Variants in PHLPP2 observed in about 807,000 individuals in gnomAD.
PHLPP2 encodes PH domain leucine-rich repeat-containing protein phosphatase 2.
Under a neutral mutation model 124.9 loss-of-function variants are expected in PHLPP2, and 66 were observed. That is an observed-to-expected ratio of 0.53 (90% CI 0.43 to 0.65). The LOEUF (loss-of-function observed/expected upper bound fraction) is 0.65. Among genes scored for constraint, PHLPP2 ranks in the 30% least tolerant of loss-of-function variants. The pLI, the probability that PHLPP2 is intolerant of heterozygous loss-of-function variation, is 0.00. For missense variants in PHLPP2, 1,685 were observed against 1,600.4 expected (o/e 1.05, Z -0.90); for synonymous variants, 681 against 624.7 (o/e 1.09, Z -1.34).
chr16:71,651,425 G>A (rs1046598018), intron 18 of PHLPP2, among the ~76,000 whole-genome samples: 4 of 150,562 alleles, frequency 2.7e-5, no homozygotes, highest in Non-Finnish European at 5.9e-5. Context: ...GAAGCCAGGC[G>A]CAGTGGCATG....
At position 71,709,908 on chromosome 16, in the gene PHLPP2, A is replaced by G. The variant is rs147005092; in HGVS notation, c.284+4604T>C. Among the ~76,000 whole-genome samples the G allele has an allele frequency of 7.9e-3, 1,207 of 152,218 alleles. 7 individuals carry two copies. The highest frequency in any genetic ancestry group is 0.012 in the Non-Finnish European group (816 of 68,006). On this transcript the variant is annotated intron_variant, in intron 2 of 18. Transcript: ENST00000568954. ...GAATGCAGTGGTGCAATCTTGGCTCACTGCAACCTCCGCCTCCCAGGCTCA... is the reference window on the plus strand; with the variant it reads ...GAATGCAGTGGTGCAATCTTGGCTCGCTGCAACCTCCGCCTCCCAGGCTCA...
chr16:71,655,164 C>A, intron 17 of PHLPP2, 76 bp downstream of exon 17: 2 of 954,346 alleles, frequency 2.1e-6, no homozygotes, highest in South Asian at 1.4e-5. Flanking sequence ...TAATTTAGAC[C>A]CTGACCTTCT....
intron 14 of PHLPP2, 45 bp from the exon 15 acceptor site, chr16:71,658,408 T>G: frequency 1.3e-6 from 2 of 1,563,724 alleles, no homozygotes; most frequent in Non-Finnish European, 1.7e-6. Context: ...TCACAGAGAC[T>G]TAGTTCTTTA....
At chr16:71,683,490 C>G (rs536253248) in intron 5 of PHLPP2, among the ~76,000 whole-genome samples, 190 of 152,290 alleles carry the variant, frequency 1.2e-3, no homozygotes, top group African/African-American at 4.2e-3. Context: ...TGGAATGAAT[C>G]CATCTATCAC....
At chr16:71,686,092 C>T (rs55930830) in intron 4 of PHLPP2, among the ~76,000 whole-genome samples, 5,711 of 152,174 alleles carry the variant, frequency 0.038, 358 homozygotes, top group African/African-American at 0.13. Context: ...GGTGACAGAG[C>T]GAGACTCTGT....
chr16:71,671,483 C>G (rs1229714733), intron 10 of PHLPP2, among the ~76,000 whole-genome samples: 1 of 152,048 alleles, frequency 6.6e-6, no homozygotes, highest in East Asian at 1.9e-4. Flanking sequence ...CTGCAAAACT[C>G]TACCGCTGAA....
Position 71,679,393 on chromosome 16 carries a change from G to A in PHLPP2, c.1033C>T (p.Leu345=). 6.2e-7 allele frequency: 1 copy of A among 1,613,608 alleles called. No individual in the cohort carries two copies. Among genetic ancestry groups the A allele is most frequent in the Non-Finnish European group, 8.5e-7 (1 of 1,179,538 alleles). Residue 345 remains leucine, a synonymous_variant, in exon 7 of 19, where the codon CTA becomes TTA. Coordinates refer to ENST00000568954, the MANE Select transcript of PHLPP2 (RefSeq NM_015020.3). ...HDLPSQIGNL[L]NLQTLCLDGN... ...AATCTAGTAAAAGTTACTTACTTTAGCAGATTGCCAATTTGACTTGGTAGG... is the reference window on the plus strand; with the variant it reads ...AATCTAGTAAAAGTTACTTACTTTAACAGATTGCCAATTTGACTTGGTAGG...
intron 4 of PHLPP2, among the ~76,000 whole-genome samples, chr16:71,686,561 C>G (rs961458323): frequency 6.6e-5 from 10 of 152,122 alleles, no homozygotes; most frequent in African/African-American, 2.4e-4. Flanking sequence ...CCATGGCCCC[C>G]AAACTTCCCT....
chr16:71,671,335 TCA>T (rs1335124976), intron 10 of PHLPP2, among the ~76,000 whole-genome samples: 1 of 152,082 alleles, frequency 6.6e-6, no homozygotes, highest in African/African-American at 2.4e-5. Context: ...ATTTATCATC[TCA>T]CTCAGTCTTC....
chr16:71,695,712 G>GAA (rs55695223), intron 3 of PHLPP2, among the ~76,000 whole-genome samples: 3 of 121,886 alleles, frequency 2.5e-5, no homozygotes, highest in Non-Finnish European at 5.2e-5. Flanking sequence ...CTCTGTCTCA[G>GAA]AAAAAAAAAA....
intron 12 of PHLPP2, among the ~76,000 whole-genome samples, chr16:71,665,272 C>T (rs947470805): frequency 4.6e-5 from 7 of 151,590 alleles, no homozygotes; most frequent in Non-Finnish European, 7.4e-5. Context: ...ATCGTGCCAC[C>T]GCACTCCAGC....
rs2044684167 is a variant in PHLPP2 at position 71,649,895 on chromosome 16, T to C, written c.2967A>G (p.Glu989=). 1 of 1,614,228 alleles carries C rather than the reference T, an allele frequency of 6.2e-7. No individual in the cohort carries two copies. Among genetic ancestry groups the C allele is most frequent in the African/African-American group, 1.3e-5 (1 of 75,062 alleles). Reference sequence around the variant, plus strand: ...TGACAGCTTCTGTGTAGGACAAGTGTTCCCACAATGCTTTGTTTCCCAGAA... The same window carrying C: ...TGACAGCTTCTGTGTAGGACAAGTGCTCCCACAATGCTTTGTTTCCCAGAA... ...LLILGNKALW[E]HLSYTEAVNA... is the part of the protein sequence containing the mutation. Residue 989 remains glutamate (E), a synonymous_variant, in exon 19 of 19, where the codon GAA becomes GAG. Coordinates refer to ENST00000568954, the MANE Select transcript of PHLPP2 (RefSeq NM_015020.3).
chr16:71,663,723 T>C (rs569257087), intron 13 of PHLPP2, among the ~76,000 whole-genome samples, 176 bp downstream of exon 13: 1 of 152,314 alleles, frequency 6.6e-6, no homozygotes, highest in Non-Finnish European at 1.5e-5. Flanking sequence ...TGGTTACCAA[T>C]ACTTAACAGG....
intron 18 of PHLPP2, among the ~76,000 whole-genome samples, chr16:71,651,415 G>T (rs2044695485): frequency 6.6e-6 from 1 of 151,062 alleles, no homozygotes; most frequent in African/African-American, 2.4e-5. Context: ...AAAGTTATCT[G>T]AAGCCAGGCG....
At chr16:71,688,513 C>T (rs754124171) in intron 4 of PHLPP2, among the ~76,000 whole-genome samples, 3 of 151,430 alleles carry the variant, frequency 2.0e-5, no homozygotes, top group African/African-American at 4.9e-5. Context: ...ATTTTCAAGA[C>T]GTTTGCTCAT....
chr16:71,685,912 G>A (rs1321742680), intron 4 of PHLPP2, among the ~76,000 whole-genome samples: 1 of 152,098 alleles, frequency 6.6e-6, no homozygotes, highest in East Asian at 1.9e-4. Context: ...AATATTCATG[G>A]TAAAATGTTC....
At chr16:71,650,088 G>C in intron 18 of PHLPP2, 44 bp from the exon 19 acceptor site, 1 of 1,457,912 alleles carries the variant, frequency 6.9e-7, no homozygotes, top group Non-Finnish European at 9.4e-7. Flanking sequence ...AAGCAACGAT[G>C]AGAGCCAACT....
intron 2 of PHLPP2, among the ~76,000 whole-genome samples, chr16:71,712,350 AG>A (rs1187877317): frequency 6.6e-6 from 1 of 152,250 alleles, no homozygotes; most frequent in Non-Finnish European, 1.5e-5. Flanking sequence ...TGAAGGCTAC[AG>A]GGCACATAAG....
At chr16:71,692,621 G>A (rs973326163) in intron 3 of PHLPP2, among the ~76,000 whole-genome samples, 1 of 151,974 alleles carries the variant, frequency 6.6e-6, no homozygotes, top group Non-Finnish European at 1.5e-5. Context: ...TCGTTCCTTG[G>A]TATTGGCAAG....
Sources: gnomAD v4.1 joint callset for allele counts (sites outside exome capture counted in the v4.1 genomes callset) on GRCh38, gnomAD v4.1.1 for gene constraint, MANE v1.5 for transcripts, NCBI Gene and HGNC (gene_info 2026-07-23, HGNC 2026-07-21) for gene names.